PSD2: variants seen among roughly 807,000 people sequenced by gnomAD.
PSD2 encodes the protein PH and SEC7 domain-containing protein 2.
In PSD2, 38 loss-of-function variants were observed where a neutral mutation model predicts 69.8. That is an observed-to-expected ratio of 0.54 (90% CI 0.42 to 0.71). The LOEUF (loss-of-function observed/expected upper bound fraction) is 0.71, where lower values mean the gene tolerates loss of function less well. Ranked by LOEUF, PSD2 falls within the 30% of genes least tolerant of loss-of-function variation. The pLI is 0.00. For synonymous variants in PSD2, 412 were observed against 423.0 expected, an observed-to-expected ratio of 0.97 and a Z score of 0.32; for missense variants, 943 against 1,014.5, an observed-to-expected ratio of 0.93 and a Z score of 0.96.
the PSD2 span, among the ~76,000 whole-genome samples, chr5:139,754,528 T>C: frequency 2.6e-5 from 2 of 78,102 alleles, no homozygotes; most frequent in African/African-American, 9.4e-5. Context: ...ACCTTGTCTC[T>C]ACTAAAAATA....
At chr5:139,795,547 C>T (rs1333189851), upstream of PSD2, among the ~76,000 whole-genome samples, 1 of 152,086 alleles carries the variant, frequency 6.6e-6, no homozygotes, top group Non-Finnish European at 1.5e-5. This position sits in a 1 kb window ranked among gnomAD's most constrained non-coding sequence, Gnocchi z 4.5. Flanking sequence ...TAGGAGGGGG[C>T]AGAACCCCGG....
the PSD2 span, among the ~76,000 whole-genome samples, chr5:139,754,627 G>T: frequency 6.6e-6 from 1 of 152,084 alleles, no homozygotes; most frequent in Non-Finnish European, 1.5e-5. Flanking sequence ...ATCCCAGGAG[G>T]TGGAGGCTGC....
chr5:139,777,194 C>T, the PSD2 span, among the ~76,000 whole-genome samples: 1 of 152,238 alleles, frequency 6.6e-6, no homozygotes, highest in Admixed American at 6.5e-5. Context: ...CAACCCTCCA[C>T]TGGGTATACC....
the PSD2 span, among the ~76,000 whole-genome samples, chr5:139,749,380 G>T: frequency 1.6e-3 from 248 of 152,294 alleles, no homozygotes; most frequent in African/African-American, 5.7e-3. Flanking sequence ...CAGCTGGATG[G>T]CAGCTTTGGT....
intron 6 of PSD2, 83 bp from the exon 7 acceptor site, chr5:139,822,643 G>T (rs1050732904): frequency 2.4e-6 from 3 of 1,272,830 alleles, no homozygotes; most frequent in South Asian, 1.4e-5. Flanking sequence ...TGTGTCCAAG[G>T]TCTCCTGACG....
At chr5:139,827,686 C>T (rs1014763809) in intron 7 of PSD2, among the ~76,000 whole-genome samples, 2 of 152,200 alleles carry the variant, frequency 1.3e-5, no homozygotes, top group East Asian at 1.9e-4. Flanking sequence ...AGGAAACTTA[C>T]AATCATGGCG....
Position 139,833,702 on chromosome 5 carries a change from A to G in PSD2, c.1270A>G (p.Asn424Asp), listed in dbSNP as rs1452623464. 1 of 1,612,398 alleles carries G rather than the reference A, an allele frequency of 6.2e-7. No individual in the cohort carries two copies. Among genetic ancestry groups the G allele is most frequent in the Non-Finnish European group, 8.5e-7 (1 of 1,178,454 alleles). ...AGGCAGAACCATTTCTCCATTACAGAACATTGGCAAAAAGATGTCCTGTCA... is the reference window on the plus strand; with the variant it reads ...AGGCAGAACCATTTCTCCATTACAGGACATTGGCAAAAAGATGTCCTGTCA... ...MLLNTDLHGH[N>D]IGKKMSCQQF... Residue 424 changes from asparagine to aspartate, a missense_variant and splice_region_variant, in exon 8 of 15, where the codon AAC becomes GAC. By Grantham distance (23) the Asn-to-Asp change is conservative. Coordinates refer to ENST00000274710, the MANE Select transcript of PSD2 (RefSeq NM_032289.4).
chr5:139,755,495 C>T, the PSD2 span, among the ~76,000 whole-genome samples: 8 of 152,006 alleles, frequency 5.3e-5, no homozygotes, highest in Non-Finnish European at 1.2e-4. Flanking sequence ...CATTCTGTGT[C>T]CCTCTCTGCA....
chr5:139,743,020 G>A, the PSD2 span, among the ~76,000 whole-genome samples: 2 of 152,228 alleles, frequency 1.3e-5, no homozygotes, highest in Admixed American at 1.3e-4. Flanking sequence ...CCCTGTGGGG[G>A]CTCAGAACAC....
chr5:139,837,572 A>G lies in PSD2; in HGVS notation c.1666-53A>G. Reference sequence around the variant, plus strand: ...AGACAGAGAGCAGTGAGGGGAGGGGAGAGTGGAAGGTGTGGGTCAGTGACC... The same window carrying G: ...AGACAGAGAGCAGTGAGGGGAGGGGGGAGTGGAAGGTGTGGGTCAGTGACC... On this transcript the variant is annotated intron_variant, in intron 11 of 14. Coordinates refer to ENST00000274710, the MANE Select transcript of PSD2 (RefSeq NM_032289.4). This position sits in a 1 kb window ranked among gnomAD's most constrained non-coding sequence, Gnocchi z 5.0. 6.5e-7 allele frequency: 1 copy of G among 1,528,864 alleles called. No homozygotes were observed. Among genetic ancestry groups the G allele is most frequent in the Non-Finnish European group, 8.9e-7 (1 of 1,125,376 alleles). The allele number at this position is 1,528,864 out of a possible 1,614,324, so 94.7% of individuals were successfully genotyped here.
intron 9 of PSD2, 36 bp from the exon 10 acceptor site, chr5:139,836,775 C>T (rs764072556): frequency 6.3e-7 from 1 of 1,595,948 alleles, no homozygotes; most frequent in Non-Finnish European, 8.6e-7. Flanking sequence ...GCCGAGGCCT[C>T]CCTGGAGGTG....
intron 1 of PSD2, among the ~76,000 whole-genome samples, chr5:139,798,013 G>A (rs933349477): frequency 6.6e-6 from 1 of 152,116 alleles, no homozygotes; most frequent in Non-Finnish European, 1.5e-5. Flanking sequence ...TGGCTTGCAG[G>A]AGATCAACAC....
At chr5:139,810,616 C>G (rs1043108719) in intron 2 of PSD2, among the ~76,000 whole-genome samples, 8 of 152,074 alleles carry the variant, frequency 5.3e-5, no homozygotes, top group Non-Finnish European at 8.8e-5. Context: ...TGTTGGTGCC[C>G]CTGGCCTGGG....
rs746236666 is a variant in PSD2 at position 139,814,173 on chromosome 5, C to A, written c.825C>A (p.Asp275Glu). ...DTDKLLNSAS[D>E]PSLKDGLSDS... ...TCCACCCACCTTCCATCTGCAGTGA[C>A]CCCAGCCTGAAGGATGGCCTGTCAG... The change falls in exon 4 of 15, where the codon GAC (aspartate) becomes GAA (glutamate). Residue 275 changes from aspartate (D) to glutamate (E), a missense_variant. Coordinates refer to ENST00000274710, the MANE Select transcript of PSD2 (RefSeq NM_032289.4). This position sits in a 1 kb window ranked among gnomAD's most constrained non-coding sequence, Gnocchi z 4.4. The A allele has an allele frequency of 1.2e-6, 2 of 1,613,228 alleles. No homozygotes were observed. The highest frequency in any genetic ancestry group is 1.1e-5 in the South Asian group (1 of 90,924).
chr5:139,781,496 C>A, the PSD2 span, among the ~76,000 whole-genome samples: 3 of 151,258 alleles, frequency 2.0e-5, no homozygotes, highest in East Asian at 1.9e-4. Flanking sequence ...CCACCACGCC[C>A]GGCTAATTTT....
chr5:139,836,069 C>T (rs769240290), intron 9 of PSD2, among the ~76,000 whole-genome samples: 4 of 152,202 alleles, frequency 2.6e-5, no homozygotes, highest in South Asian at 2.1e-4. Context: ...CATTGATGAC[C>T]GCTCCTTTCC....
the PSD2 span, among the ~76,000 whole-genome samples, chr5:139,774,637 C>T: frequency 5.9e-5 from 9 of 152,148 alleles, no homozygotes; most frequent in African/African-American, 1.4e-4. Context: ...ATTACAGGAG[C>T]CCACCACCAC....
In PSD2 at chr5:139,836,810, G is replaced by A; in HGVS notation, c.1404-1G>A. 6.2e-7 allele frequency: 1 copy of A among 1,613,844 alleles called. No homozygotes were observed. Among genetic ancestry groups the A allele is most frequent in the Non-Finnish European group, 8.5e-7 (1 of 1,179,798 alleles). ...GGTGCTCAGGCCTAGTACTTCCCTA[G>A]TGATGAGGATGAGCTGAGGAAATCC... is the stretch of plus-strand genomic sequence containing the variant. On this transcript the variant is annotated splice_acceptor_variant, in intron 9 of 14. Coordinates refer to ENST00000274710, the MANE Select transcript of PSD2 (RefSeq NM_032289.4). LOFTEE classifies it high-confidence loss of function.
upstream of PSD2, among the ~76,000 whole-genome samples, chr5:139,791,454 C>A (rs955991694): frequency 6.6e-6 from 1 of 151,664 alleles, no homozygotes; most frequent in Non-Finnish European, 1.5e-5. Flanking sequence ...AAAACAAAAC[C>A]AAAAACAAAA....
Sources: allele counts gnomAD v4.1 joint callset (sites outside exome capture counted in the v4.1 genomes callset), GRCh38; gene constraint gnomAD v4.1.1; non-coding constraint Gnocchi (gnomAD v3.1); transcripts MANE v1.5; gene names NCBI Gene and HGNC (gene_info 2026-07-23, HGNC 2026-07-21).